The following PRDM6 variants were observed in gnomAD, a reference collection of about 807,000 sequenced individuals.
PRDM6 encodes the protein putative histone-lysine N-methyltransferase PRDM6.
In PRDM6, 25 loss-of-function variants were observed where a neutral mutation model predicts 60.8. That is an observed-to-expected ratio of 0.41 (90% confidence interval 0.30 to 0.57). The LOEUF is 0.57. Among genes scored for constraint, PRDM6 ranks in the 20% least tolerant of loss-of-function variants. PRDM6 has a pLI of 0.27. For missense variants in PRDM6, 839 were observed against 821.3 expected (o/e 1.02, Z -0.26); for synonymous variants, 407 against 357.4 (o/e 1.14, Z -1.57).
chr5:123,174,434 G>A (rs1765960314), intron 6 of PRDM6, among the ~76,000 whole-genome samples: 1 of 152,178 alleles, frequency 6.6e-6, no homozygotes, highest in Non-Finnish European at 1.5e-5. Flanking sequence ...GCTAGAACCA[G>A]GTACAAGAAA....
chr5:123,144,676 C>G (rs1465515025), intron 3 of PRDM6, among the ~76,000 whole-genome samples: 1 of 152,184 alleles, frequency 6.6e-6, no homozygotes, highest in Non-Finnish European at 1.5e-5. Context: ...AGTCTTTATC[C>G]TGCTGCTTTG....
chr5:123,090,355 C>A lies in PRDM6; in HGVS notation c.341C>A (p.Ser114Ter). Residue 114 changes from serine to a stop codon, truncating the protein, a stop_gained, in exon 2 of 8, where the codon TCG becomes TAG. Transcript: ENST00000407847. LOFTEE classifies it high-confidence loss of function. ...GCTGGTCTCTCGGCCCTGCCGGTGT[C>A]GCAGCTGCCGGTGTTCGCGCCTCTA... ...ALAGLSALPV[S>*]QLPVFAPLAA... The A allele has an allele frequency of 6.8e-7, 1 of 1,473,906 alleles. No homozygotes were observed. The highest frequency in any genetic ancestry group is 8.9e-7 in the Non-Finnish European group (1 of 1,117,650). The allele number at this position is 1,473,906 out of a possible 1,614,324, so 91.3% of individuals were successfully genotyped here. A position where few individuals can be genotyped will look rare whatever the true frequency, so the allele number is the denominator to read the frequency against.
intron 3 of PRDM6, among the ~76,000 whole-genome samples, chr5:123,125,037 G>C (rs1764661196): frequency 6.6e-6 from 1 of 150,914 alleles, no homozygotes; most frequent in African/African-American, 2.4e-5. Context: ...TTACCCTGGA[G>C]ACTGACTGCA....
intron 2 of PRDM6, among the ~76,000 whole-genome samples, chr5:123,094,817 A>T (rs1050158910): frequency 1.8e-4 from 27 of 152,230 alleles, no homozygotes; most frequent in African/African-American, 6.5e-4. Flanking sequence ...ATCTCTGCGC[A>T]ATATTCTCTC....
rs1436489704 is a variant in PRDM6, at chr5:123,099,374, A to T, written c.593-280A>T. Among the ~76,000 whole-genome samples the T allele has an allele frequency of 1.3e-5, 2 of 152,192 alleles. No homozygotes were observed. Among genetic ancestry groups the T allele is most frequent in the Non-Finnish European group, 2.9e-5 (2 of 68,034 alleles). On this transcript the variant is annotated intron_variant, in intron 2 of 7. Transcript: ENST00000407847. The surrounding 1 kb of genome is among the most constrained non-coding windows in gnomAD (Gnocchi z 4.0). ...GAACTGTCGGTTCCGTGGAGAGCGGACATGCTATCTGCGCCCAGATCCGAA... is the reference window on the plus strand; with the variant it reads ...GAACTGTCGGTTCCGTGGAGAGCGGTCATGCTATCTGCGCCCAGATCCGAA...
intron 2 of PRDM6, among the ~76,000 whole-genome samples, chr5:123,097,424 G>A (rs1476731338): frequency 6.6e-6 from 1 of 152,088 alleles, no homozygotes; most frequent in African/African-American, 2.4e-5. Context: ...AGGCAGCCTT[G>A]ACTGTGAATC....
intron 5 of PRDM6, among the ~76,000 whole-genome samples, chr5:123,168,295 T>G (rs780345907): frequency 6.6e-6 from 1 of 152,206 alleles, no homozygotes; most frequent in Non-Finnish European, 1.5e-5. Flanking sequence ...TGTATATTTA[T>G]GTATATAATA....
At chr5:123,104,066 G>C (rs1764156506) in intron 3 of PRDM6, among the ~76,000 whole-genome samples, 1 of 152,024 alleles carries the variant, frequency 6.6e-6, no homozygotes, top group Non-Finnish European at 1.5e-5. Flanking sequence ...AATCAAGGGG[G>C]ATAACATAAT....
chr5:123,090,012 G>C lies in PRDM6; in HGVS notation c.-3G>C, dbSNP rs1446048090. The C allele has an allele frequency of 6.5e-7, 1 of 1,546,272 alleles. No individual in the cohort carries two copies. The highest frequency in any genetic ancestry group is 8.7e-7 in the Non-Finnish European group (1 of 1,144,932). On this transcript the variant is annotated 5_prime_UTR_variant, in exon 2 of 8. Coordinates refer to ENST00000407847, the MANE Select transcript of PRDM6 (RefSeq NM_001136239.4). ...CCTCTGCCCCCAGTTCGAGGCGCCG[G>C]ACATGCTGAAGCCCGGAGACCCCGG...
At chr5:123,139,725 C>G (rs1013901770) in intron 3 of PRDM6, among the ~76,000 whole-genome samples, 1 of 151,996 alleles carries the variant, frequency 6.6e-6, no homozygotes, top group Non-Finnish European at 1.5e-5. Context: ...TTTGACTTAT[C>G]CAACCAATTT....
chr5:123,125,932 G>A (rs1442019206), intron 3 of PRDM6, among the ~76,000 whole-genome samples: 2 of 151,630 alleles, frequency 1.3e-5, no homozygotes, highest in Non-Finnish European at 2.9e-5. Context: ...TAATTTTCAG[G>A]ATCTTATCAA....
In PRDM6 at chr5:123,131,113, T is replaced by C. The variant is rs183470591; in HGVS notation, c.901-24771T>C. ...ATGGTGATGCACGTGTTCTCACTCATATGTGGGAGCTAAAAAATTGATCTA... is the reference window on the plus strand; with the variant it reads ...ATGGTGATGCACGTGTTCTCACTCACATGTGGGAGCTAAAAAATTGATCTA... On this transcript the variant is annotated intron_variant, in intron 3 of 7. Coordinates refer to ENST00000407847, the MANE Select transcript of PRDM6 (RefSeq NM_001136239.4). 2.0e-4 allele frequency among the ~76,000 whole-genome samples: 31 copies of C among 152,162 alleles called. 1 individual carries two copies. Among genetic ancestry groups the C allele is most frequent in the Admixed American group, 2.0e-3 (31 of 15,294 alleles).
intron 5 of PRDM6, among the ~76,000 whole-genome samples, chr5:123,160,615 C>T (rs905097117): frequency 2.0e-5 from 3 of 152,202 alleles, no homozygotes; most frequent in African/African-American, 4.8e-5. Context: ...TAAAAACGCT[C>T]ATATTATGAC....
chr5:123,118,741 C>G (rs796242800), intron 3 of PRDM6, among the ~76,000 whole-genome samples: 2 of 152,150 alleles, frequency 1.3e-5, no homozygotes, highest in African/African-American at 4.8e-5. Flanking sequence ...AGAGAGCAAA[C>G]AAGTATGGGT....
chr5:123,098,458 C>T (rs1336030543), intron 2 of PRDM6, among the ~76,000 whole-genome samples: 1 of 152,252 alleles, frequency 6.6e-6, no homozygotes, highest in Non-Finnish European at 1.5e-5. Context: ...CTCCTCCAGG[C>T]CCATTAATAA....
At chr5:123,106,349 C>A (rs1267702482) in intron 3 of PRDM6, among the ~76,000 whole-genome samples, 1 of 152,218 alleles carries the variant, frequency 6.6e-6, no homozygotes, top group African/African-American at 2.4e-5. Context: ...TTCAGCGCAT[C>A]CAGCATCATC....
chr5:123,171,095 C>G lies in PRDM6; in HGVS notation c.1483C>G (p.Gln495Glu). ...CCTCTTACAGATGCACGTGTGCACG[C>G]AGAACCCCGACAGGTAACCCTGACT... Reference protein sequence around the residue: ...RILLQMHVCTQNPDRPYQCGH... With the variant: ...RILLQMHVCTENPDRPYQCGH... Residue 495 changes from glutamine to glutamate, a missense_variant, in exon 6 of 8, where the codon CAG (glutamine) becomes GAG (glutamate). By Grantham distance (29) the Gln-to-Glu change is conservative. This residue lies in a region of PRDM6 where 109 missense variants were observed against 172.6 expected (regional missense o/e 0.63). Transcript: ENST00000407847. 1 of 1,539,986 alleles carries G rather than the reference C, an allele frequency of 6.5e-7. No individual in the cohort carries two copies. Among genetic ancestry groups the G allele is most frequent in the Non-Finnish European group, 8.8e-7 (1 of 1,139,702 alleles).
Position 123,148,946 on chromosome 5 carries a change from G to T in PRDM6, c.901-6938G>T, listed in dbSNP as rs141631834. On this transcript the variant is annotated intron_variant, in intron 3 of 7. Transcript: ENST00000407847. ...AGAGCAAATCATTTCATCTTTCTCA[G>T]CCCAAGGCTTATTACCTGTAAAACA... Among the ~76,000 whole-genome samples the T allele has an allele frequency of 5.3e-3, 812 of 152,210 alleles. 7 individuals are homozygous for T. The highest frequency in any genetic ancestry group is 0.018 in the African/African-American group (761 of 41,528).
At chr5:123,106,658 G>A (rs1332481323) in intron 3 of PRDM6, among the ~76,000 whole-genome samples, 2 of 152,162 alleles carry the variant, frequency 1.3e-5, no homozygotes, top group African/African-American at 2.4e-5. Context: ...TCACTAATGC[G>A]TGATTATGGG....
Sources: gnomAD v4.1 joint callset for allele counts (sites outside exome capture counted in the v4.1 genomes callset) on GRCh38, gnomAD v4.1.1 for gene constraint, gnomAD v4.1.1 regional missense constraint, Gnocchi (gnomAD v3.1) non-coding constraint, MANE v1.5 for transcripts, NCBI Gene and HGNC (gene_info 2026-07-23, HGNC 2026-07-21) for gene names.